Variants in BTBD8 observed in about 807,000 individuals in gnomAD.
BTBD8 encodes BTB domain containing 8, also known as BTB/POZ domain-containing protein 8.
BTBD8 carries 110 observed loss-of-function variants against 162.9 expected under a neutral mutation model. The observed-to-expected ratio is 0.68, with a 90% CI of 0.58 to 0.79. BTBD8 has a LOEUF of 0.79. Among genes scored for constraint, BTBD8 ranks in the 30% least tolerant of loss-of-function variants. The probability of loss-of-function intolerance (pLI) is 0.00; values close to 1 mark genes in which losing one functional copy is unlikely to be tolerated. For synonymous variants in BTBD8, 667 were observed against 716.1 expected (o/e 0.93, Z 1.10); for missense variants, 1,905 against 2,085.4 (o/e 0.91, Z 1.68).
At position 92,168,966 on chromosome 1, in the gene BTBD8, G is replaced by A; in HGVS notation, c.1544G>A (p.Ser515Asn). Residue 515 changes from serine to asparagine, a missense_variant, in exon 12 of 18, where the codon AGC becomes AAC. By Grantham distance (46) the Ser-to-Asn change is conservative. Around this residue, in one of 3 missense-constraint regions of BTBD8, gnomAD observed 1,374 missense variants for 1,442.7 expected, o/e 0.95. Coordinates refer to ENST00000636805, the MANE Select transcript of BTBD8 (RefSeq NM_001376131.1). ...VRHTESWKLM[S>N]TDDQQKIQAA... ...CACACAGAAAGCTGGAAGCTGATGAGCACAGATGATCAACAGAAAATCCAA... is the reference window on the plus strand; with the variant it reads ...CACACAGAAAGCTGGAAGCTGATGAACACAGATGATCAACAGAAAATCCAA... 2 of 1,537,130 alleles carry A rather than the reference G, an allele frequency of 1.3e-6. No homozygotes were observed. Among genetic ancestry groups the A allele is most frequent in the Admixed American group, 2.0e-5 (1 of 50,894 alleles).
In BTBD8 at chr1:92,127,803, C is replaced by T. The variant is rs374522622; in HGVS notation, c.663-1884C>T. On this transcript the variant is annotated intron_variant, in intron 4 of 17. Transcript: ENST00000636805. ...CATGAACTGCTGACTTCAAGTGATC[C>T]GCCCGCCATGGCCTCCCAAAGTGTT... Among the ~76,000 whole-genome samples the T allele has an allele frequency of 2.5e-3, 374 of 151,766 alleles. 5 individuals carry two copies. Among genetic ancestry groups the T allele is most frequent in the African/African-American group, 8.0e-3 (332 of 41,294 alleles).
At chr1:92,085,686 C>T (rs1349814201) in intron 1 of BTBD8, among the ~76,000 whole-genome samples, 1 of 152,098 alleles carries the variant, frequency 6.6e-6, no homozygotes, top group East Asian at 1.9e-4. Flanking sequence ...GCCAAGATCA[C>T]GCAACTGCAC....
At position 92,121,841 on chromosome 1, in the gene BTBD8, A is replaced by AT. The variant is rs558338492; in HGVS notation, c.663-7833dup. Among the ~76,000 whole-genome samples the AT allele has an allele frequency of 4.9e-3, 680 of 139,266 alleles. 2 individuals carry two copies. The highest frequency in any genetic ancestry group is 0.012 in the African/African-American group (470 of 38,066). 91.4% of individuals were successfully genotyped at this position (139,266 alleles called of 152,430 possible). A position where few individuals can be genotyped will look rare whatever the true frequency, so the allele number is the denominator to read the frequency against. On this transcript the variant is annotated intron_variant, in intron 4 of 17. Transcript: ENST00000636805. ...ATATCTTTTGCCCATTTATTTTTTT[A>AT]TTTTTTTTTTTTTGAGACAGAGTCT... is the stretch of plus-strand genomic sequence containing the variant.
At position 92,182,506 on chromosome 1, in the gene BTBD8, C is replaced by G. The variant is rs975718909; in HGVS notation, c.4823C>G (p.Ser1608Cys). ...AACAGCTCTACAAAATCTCTAGACT[C>G]CTTTCGGAGTCAAGTTCTGCCTCAG... ...PKNSSTKSLD[S>C]FRSQVLPQEG... The change falls in exon 17 of 18, where the codon TCC becomes TGC. Residue 1608 changes from serine to cysteine, a missense_variant. Physicochemically the swap from Ser to Cys is moderately radical, Grantham distance 112 (BLOSUM62 -1). This residue lies in a region of BTBD8 where 517 missense variants were observed against 606.6 expected (regional missense o/e 0.85). Transcript: ENST00000636805. 6.5e-7 allele frequency: 1 copy of G among 1,549,102 alleles called. No individual in the cohort carries two copies. The highest frequency in any genetic ancestry group is 1.4e-5 in the African/African-American group (1 of 72,896).
chr1:92,158,076 T>A (rs1394056821), intron 9 of BTBD8, among the ~76,000 whole-genome samples: 2 of 152,224 alleles, frequency 1.3e-5, no homozygotes, highest in Non-Finnish European at 2.9e-5. Flanking sequence ...TTTATTACCA[T>A]TGGTATGAAA....
At chr1:92,183,746 C>T (rs1199809239) in intron 17 of BTBD8, 118 bp from the exon 18 acceptor site, 14 of 550,584 alleles carry the variant, frequency 2.5e-5, no homozygotes, top group East Asian at 3.3e-5. Flanking sequence ...GTTATTTTTC[C>T]CATTCTGTGT....
At chr1:92,154,902 G>C (rs1375171324) in intron 9 of BTBD8, among the ~76,000 whole-genome samples, 2 of 152,152 alleles carry the variant, frequency 1.3e-5, no homozygotes, top group African/African-American at 4.8e-5. Flanking sequence ...CAGGTCTTAG[G>C]TAGAAGTCTT....
intron 5 of BTBD8, among the ~76,000 whole-genome samples, chr1:92,136,908 T>C (rs1649647712): frequency 6.6e-6 from 1 of 152,234 alleles, no homozygotes; most frequent in South Asian, 2.1e-4. Flanking sequence ...TCATAAGTGC[T>C]CAATAGGTGA....
In BTBD8 at chr1:92,176,819, T is replaced by G; in HGVS notation, c.1636-10T>G. The G allele has an allele frequency of 1.5e-6, 2 of 1,297,952 alleles. No homozygotes were observed. The highest frequency in any genetic ancestry group is 1.0e-6 in the Non-Finnish European group (1 of 982,804). The allele number at this position is 1,297,952 out of a possible 1,614,324, so 80.4% of individuals were successfully genotyped here. ...GTCAAATTACAAAGTATTTTTTTTC[T>G]TTTTTATAGCAAAGGAAACAAGTTT... On this transcript the variant is annotated splice_polypyrimidine_tract_variant and intron_variant, in intron 13 of 17. Transcript: ENST00000636805.
Position 92,180,663 on chromosome 1 carries a change from C to A in BTBD8, c.2980C>A (p.Leu994Ile), listed in dbSNP as rs1193851929. The A allele has an allele frequency of 1.2e-5, 19 of 1,551,388 alleles. No homozygotes were observed. Among genetic ancestry groups the A allele is most frequent in the Non-Finnish European group, 1.6e-5 (18 of 1,146,916 alleles). The change falls in exon 17 of 18, where the codon CTT (leucine) becomes ATT (isoleucine). Residue 994 changes from leucine (L) to isoleucine (I), a missense_variant. By Grantham distance (5) the Leu-to-Ile change is conservative. Around this residue, in one of 3 missense-constraint regions of BTBD8, gnomAD observed 1,374 missense variants for 1,442.7 expected, o/e 0.95. Coordinates refer to ENST00000636805, the MANE Select transcript of BTBD8 (RefSeq NM_001376131.1). ...EQKPHKPLIN[L>I]ASEISDAEAL... ...GAAGCCTCACAAACCTCTCATTAATCTTGCATCTGAAATAAGTGATGCAGA... is the reference window on the plus strand; with the variant it reads ...GAAGCCTCACAAACCTCTCATTAATATTGCATCTGAAATAAGTGATGCAGA...
Position 92,135,402 on chromosome 1 carries a change from AAC to A in BTBD8, c.753-3944_753-3943del, listed in dbSNP as rs371078121. Among the ~76,000 whole-genome samples, 86 of 152,260 alleles carry A rather than the reference AAC, an allele frequency of 5.6e-4. 1 individual carries two copies. The highest frequency in any genetic ancestry group is 2.0e-3 in the African/African-American group (82 of 41,554). On this transcript the variant is annotated intron_variant, in intron 5 of 17. Transcript: ENST00000636805. ...TTTTCACCATGTTGGCCAGGCTGGT[AAC>A]ACAGAGATTTTAGTAATCTACGTTC...
intron 4 of BTBD8, among the ~76,000 whole-genome samples, chr1:92,119,097 C>T (rs1235438185): frequency 6.6e-6 from 1 of 151,574 alleles, no homozygotes. Context: ...CTGTACACTA[C>T]TGTAGACTTT....
At chr1:92,150,980 C>T (rs1167427824) in intron 9 of BTBD8, 2 of 152,086 alleles carry the variant, frequency 1.3e-5, no homozygotes, top group South Asian at 2.1e-4. Flanking sequence ...TAACATCAGA[C>T]TGGGTTACAT....
intron 14 of BTBD8, 127 bp downstream of exon 14, chr1:92,177,673 A>G (rs1308504158): frequency 1.2e-6 from 1 of 815,730 alleles, no homozygotes; most frequent in Middle Eastern, 3.2e-4. Context: ...ATGTATATGT[A>G]CTTATGCAAA....
At chr1:92,145,108 C>T (rs1649879786) in intron 7 of BTBD8, among the ~76,000 whole-genome samples, 1 of 151,994 alleles carries the variant, frequency 6.6e-6, no homozygotes, top group African/African-American at 2.4e-5. Flanking sequence ...GGATTACAGG[C>T]ATGTGCCACC....
chr1:92,114,328 G>A (rs1334736185), intron 4 of BTBD8, among the ~76,000 whole-genome samples: 1 of 152,006 alleles, frequency 6.6e-6, no homozygotes, highest in Admixed American at 6.5e-5. Flanking sequence ...CTAGGTCATG[G>A]AATTGAAGTA....
At chr1:92,084,297 G>A (rs1416605198) in intron 1 of BTBD8, among the ~76,000 whole-genome samples, 1 of 151,934 alleles carries the variant, frequency 6.6e-6, no homozygotes, top group Non-Finnish European at 1.5e-5. Context: ...CAAACCATTT[G>A]CAGGGCAAAC....
At chr1:92,111,082 C>G (rs113842833) in intron 4 of BTBD8, among the ~76,000 whole-genome samples, 1 of 151,822 alleles carries the variant, frequency 6.6e-6, no homozygotes, top group Admixed American at 6.6e-5. Context: ...ACCTCTGCCC[C>G]CCGGGTTCAA....
intron 13 of BTBD8, among the ~76,000 whole-genome samples, chr1:92,175,651 C>A (rs1650693331): frequency 6.6e-6 from 1 of 151,372 alleles, no homozygotes; most frequent in Admixed American, 6.6e-5. Flanking sequence ...AAAAAATTAG[C>A]CAAGTGTGGT....
Sources: gnomAD v4.1 joint callset for allele counts (sites outside exome capture counted in the v4.1 genomes callset) on GRCh38, gnomAD v4.1.1 for gene constraint, gnomAD v4.1.1 regional missense constraint, MANE v1.5 for transcripts, NCBI Gene and HGNC (gene_info 2026-07-23, HGNC 2026-07-21) for gene names.